APOOL: variants seen among roughly 807,000 people sequenced by gnomAD.
APOOL encodes the protein apolipoprotein O like.
A neutral mutation model predicts 23.1 loss-of-function variants in APOOL; 12 were observed. The ratio of observed to expected loss-of-function variants is 0.52; its 90% CI spans 0.33 to 0.84. The LOEUF (loss-of-function observed/expected upper bound fraction) is 0.84. APOOL is among the 40% of genes least tolerant of loss of function. The pLI is 0.02. For synonymous variants in APOOL, 77 were observed against 69.9 expected (o/e 1.10, Z -0.51); for missense variants, 212 against 199.6 (o/e 1.06, Z -0.37).
chrX:85,077,074 T>TATAC (rs1457944398), intron 8 of APOOL, among the ~76,000 whole-genome samples: 1 of 47,465 alleles, frequency 2.1e-5, no homozygotes, highest in African/African-American at 8.5e-5. Flanking sequence ...TATATATATA[T>TATAC]ACATATATAT....
chrX:85,030,365 T>C (rs1251134887), intron 1 of APOOL, among the ~76,000 whole-genome samples: 1 of 109,905 alleles, frequency 9.1e-6, no homozygotes, highest in Non-Finnish European at 1.9e-5. Context: ...ATGGGTATAC[T>C]GGGAGGTGGG....
At chrX:85,012,880 CTCTT>C (rs1050228852) in intron 1 of APOOL, among the ~76,000 whole-genome samples, 4 of 111,644 alleles carry the variant, frequency 3.6e-5, no homozygotes, top group Non-Finnish European at 7.5e-5. Context: ...GGAGGACTCC[CTCTT>C]TCTTTATTTT....
chrX:85,024,851 G>A (rs1921787489), intron 1 of APOOL, among the ~76,000 whole-genome samples: 1 of 112,319 alleles, frequency 8.9e-6, no homozygotes, highest in Admixed American at 9.4e-5. Context: ...CGGGGAATTG[G>A]GAAAGATGAG....
chrX:85,017,098 G>A (rs1921502480), intron 1 of APOOL, among the ~76,000 whole-genome samples: 1 of 111,922 alleles, frequency 8.9e-6, no homozygotes, highest in African/African-American at 3.3e-5. Flanking sequence ...GGTTACCAGG[G>A]CAGGTTGGAA....
At chrX:85,031,706 G>A (rs935329373) in intron 1 of APOOL, among the ~76,000 whole-genome samples, 3 of 111,783 alleles carry the variant, frequency 2.7e-5, no homozygotes, top group African/African-American at 6.5e-5. Flanking sequence ...TGAAGGCACT[G>A]AGGGAGGAAT....
At chrX:85,008,875 A>G (rs944659808) in intron 1 of APOOL, among the ~76,000 whole-genome samples, 2 of 111,513 alleles carry the variant, frequency 1.8e-5, no homozygotes, top group South Asian at 3.7e-4. Context: ...AATTCTTCCA[A>G]TTCATGAACA....
chrX:85,006,303 C>T (rs1312135952), intron 1 of APOOL, among the ~76,000 whole-genome samples: 1 of 95,896 alleles, frequency 1.0e-5, no homozygotes, highest in Non-Finnish European at 2.1e-5. Flanking sequence ...TCTTGATGAC[C>T]CTAAGAAATG....
At position 85,091,810 on chromosome X, in the gene APOOL, ATC is replaced by A. The variant is rs1423370173; in HGVS notation, c.*4135_*4136del. ...TTCATAAGTAAGCTCTTCAGAATTT[ATC>A]TCCAGTATTTGAAATGAATTTTTTT... On this transcript the variant is annotated 3_prime_UTR_variant, in exon 9 of 9. Transcript: ENST00000373173. 1.8e-5 allele frequency: 2 copies of A among 111,651 alleles called. No individual in the cohort carries two copies. Among genetic ancestry groups the A allele is most frequent in the Non-Finnish European group, 3.8e-5 (2 of 53,184 alleles). 9.2% of individuals were successfully genotyped at this position (111,651 alleles called of 1,213,427 possible).
intron 1 of APOOL, among the ~76,000 whole-genome samples, chrX:85,013,688 A>G (rs1209883570): frequency 5.4e-5 from 6 of 111,870 alleles, no homozygotes; most frequent in African/African-American, 1.6e-4. Context: ...AAAGATGCTT[A>G]ATATGATTTT....
At chrX:85,023,764 C>T (rs1284364085) in intron 1 of APOOL, among the ~76,000 whole-genome samples, 1 of 112,215 alleles carries the variant, frequency 8.9e-6, no homozygotes, top group Non-Finnish European at 1.9e-5. Flanking sequence ...AAATAGCTTT[C>T]AAGACAGAAA....
rs141715200 is a variant in APOOL at position 85,067,738 on chromosome X, C to A, written c.486+520C>A. 4.9e-3 allele frequency among the ~76,000 whole-genome samples: 537 copies of A among 110,630 alleles called. 9 individuals are homozygous for A. The East Asian group carries it at 0.054, about 11-fold the overall frequency. On this transcript the variant is annotated intron_variant, in intron 6 of 8. Coordinates refer to ENST00000373173, the MANE Select transcript of APOOL (RefSeq NM_198450.6). ...GTATAAATGCTTGTTATAGTTCTGTCTTTTTCTTGTGAGCTTAAGTACAAA... is the reference window on the plus strand; with the variant it reads ...GTATAAATGCTTGTTATAGTTCTGTATTTTTCTTGTGAGCTTAAGTACAAA...
chrX:85,041,829 C>A (rs1029678475), intron 1 of APOOL, among the ~76,000 whole-genome samples: 1 of 110,574 alleles, frequency 9.0e-6, no homozygotes, highest in Non-Finnish European at 1.9e-5. Flanking sequence ...GGTGAGGAGC[C>A]CCCCCTTGTC....
At chrX:85,044,543 A>G (rs1252954582) in intron 1 of APOOL, among the ~76,000 whole-genome samples, 1 of 110,709 alleles carries the variant, frequency 9.0e-6, no homozygotes, top group Admixed American at 9.7e-5. Flanking sequence ...GGCCTTCCAA[A>G]GTGCTGGGAT....
At chrX:85,078,419 T>C (rs1885020033) in intron 8 of APOOL, among the ~76,000 whole-genome samples, 1 of 111,497 alleles carries the variant, frequency 9.0e-6, no homozygotes, top group Non-Finnish European at 1.9e-5. Context: ...GTGTTACTTC[T>C]GAGGTGTCTG....
chrX:85,053,934 T>C (rs1225261307), intron 3 of APOOL, among the ~76,000 whole-genome samples: 2 of 111,550 alleles, frequency 1.8e-5, no homozygotes, highest in African/African-American at 6.5e-5. Context: ...TTTGCTCTTT[T>C]TTTCCCTCCA....
At chrX:85,028,229 A>G (rs1266398019) in intron 1 of APOOL, among the ~76,000 whole-genome samples, 1 of 110,845 alleles carries the variant, frequency 9.0e-6, no homozygotes, top group Non-Finnish European at 1.9e-5. Context: ...TTTAGGGGAG[A>G]ATCCATTTCT....
At chrX:85,036,197 G>A in intron 1 of APOOL, among the ~76,000 whole-genome samples, 1 of 111,911 alleles carries the variant, frequency 8.9e-6, no homozygotes, top group Non-Finnish European at 1.9e-5. Context: ...TTTCACCTCT[G>A]TGGTTAGCTG....
intron 1 of APOOL, among the ~76,000 whole-genome samples, chrX:85,013,798 T>A (rs1429082214): frequency 8.9e-6 from 1 of 111,734 alleles, no homozygotes; most frequent in East Asian, 2.8e-4. Context: ...ATTCTGCAGT[T>A]TTGGGGTAAT....
intron 1 of APOOL, among the ~76,000 whole-genome samples, chrX:85,028,122 C>T (rs1373110272): frequency 2.7e-5 from 3 of 111,730 alleles, no homozygotes; most frequent in Non-Finnish European, 5.6e-5. Flanking sequence ...TTACCACAGC[C>T]TCAGTGGCCA....
Sources: gnomAD v4.1 joint callset for allele counts (sites outside exome capture counted in the v4.1 genomes callset) on GRCh38, gnomAD v4.1.1 for gene constraint, MANE v1.5 for transcripts, NCBI Gene and HGNC (gene_info 2026-07-23, HGNC 2026-07-21) for gene names.